The following YWHAB variants were observed in gnomAD, a reference collection of about 807,000 sequenced individuals.
YWHAB encodes tyrosine 3-monooxygenase/tryptophan 5-monooxygenase activation protein beta.
Under a neutral mutation model 28.5 loss-of-function variants are expected in YWHAB, and 2 were observed. The ratio of observed to expected loss-of-function variants is 0.07; its 90% CI spans 0.03 to 0.22. The LOEUF is 0.22. Ranked by LOEUF, YWHAB falls within the 10% of genes least tolerant of loss-of-function variation. The pLI is 1.00. For synonymous variants in YWHAB, 103 were observed against 104.7 expected (o/e 0.98, Z 0.10); for missense variants, 148 against 297.1 (o/e 0.50, Z 3.69).
intron 1 of YWHAB, among the ~76,000 whole-genome samples, chr20:44,898,247 G>A (rs2066606875): frequency 6.6e-6 from 1 of 152,172 alleles, no homozygotes; most frequent in African/African-American, 2.4e-5. Flanking sequence ...GCCTCACTGA[G>A]TGTAAGCTTA....
At chr20:44,905,976 C>T (rs376067295) in intron 4 of YWHAB, 25 bp from the exon 5 acceptor site, 48 of 1,595,424 alleles carry the variant, frequency 3.0e-5, no homozygotes, top group African/African-American at 9.4e-5. Flanking sequence ...CTTGTGAATT[C>T]TTTGCTAAAG....
intron 3 of YWHAB, 102 bp downstream of exon 3, chr20:44,904,218 G>A (rs1006900831): frequency 2.1e-6 from 3 of 1,422,616 alleles, no homozygotes; most frequent in Non-Finnish European, 2.9e-6. Flanking sequence ...AGACACCAAT[G>A]TCACAGTACT....
At chr20:44,901,322 T>C (rs2066625156) in intron 1 of YWHAB, among the ~76,000 whole-genome samples, 1 of 152,242 alleles carries the variant, frequency 6.6e-6, no homozygotes, top group African/African-American at 2.4e-5. Flanking sequence ...GTTGGGAAGA[T>C]TACTGGACCA....
At chr20:44,901,293 A>G (rs1254054262) in intron 1 of YWHAB, among the ~76,000 whole-genome samples, 2 of 152,292 alleles carry the variant, frequency 1.3e-5, no homozygotes, top group Middle Eastern at 3.4e-3. Flanking sequence ...GTTGTTATGA[A>G]CATACCTACT....
At position 44,906,529 on chromosome 20, in the gene YWHAB, AG is replaced by A. The variant is rs1568638027; in HGVS notation, c.*92del. On this transcript the variant is annotated 3_prime_UTR_variant, in exon 6 of 6. Coordinates refer to ENST00000353703, the MANE Select transcript of YWHAB (RefSeq NM_139323.4). ...TAAAAAAAAAAAAAAAAAAAAAAAG[AG>A]AATCGTACGTCGACTTTCGATTTTT... 7.8e-6 allele frequency: 7 copies of A among 900,286 alleles called. No homozygotes were observed. In the African/African-American group the frequency reaches 1.5e-4, roughly 20 times the overall value. 55.8% of individuals were successfully genotyped at this position (900,286 alleles called of 1,614,324 possible). A position where few individuals can be genotyped will look rare whatever the true frequency, so the allele number is the denominator to read the frequency against.
At chr20:44,898,756 T>C (rs1369828110) in intron 1 of YWHAB, among the ~76,000 whole-genome samples, 1 of 152,038 alleles carries the variant, frequency 6.6e-6, no homozygotes, top group Non-Finnish European at 1.5e-5. Context: ...TTCACCTGCC[T>C]CGGCCTCCCA....
At chr20:44,897,873 C>T (rs1411044916) in intron 1 of YWHAB, among the ~76,000 whole-genome samples, 2 of 152,206 alleles carry the variant, frequency 1.3e-5, no homozygotes, top group African/African-American at 4.8e-5. Flanking sequence ...TTTGTTTTCA[C>T]CCTGCGTGTC....
rs183855565 is a variant in YWHAB, at chr20:44,896,315, G to A, written c.-3-5216G>A. Among the ~76,000 whole-genome samples the A allele has an allele frequency of 3.4e-3, 513 of 152,204 alleles. 4 individuals are homozygous for A. Among genetic ancestry groups the A allele is most frequent in the African/African-American group, 0.012 (493 of 41,528 alleles). ...ATAGCCACATGTAGCTATGGCTATG[G>A]CTTAAACAGCTTAAGAAAGGCTTCA... On this transcript the variant is annotated intron_variant, in intron 1 of 5. Coordinates refer to ENST00000353703, the MANE Select transcript of YWHAB (RefSeq NM_139323.4).
At chr20:44,894,012 T>A (rs1189876852) in intron 1 of YWHAB, among the ~76,000 whole-genome samples, 1 of 152,202 alleles carries the variant, frequency 6.6e-6, no homozygotes, top group Non-Finnish European at 1.5e-5. Flanking sequence ...CCTTATTTTT[T>A]AAACCATTCC....
At chr20:44,892,323 T>A (rs942162878) in intron 1 of YWHAB, among the ~76,000 whole-genome samples, 1 of 152,214 alleles carries the variant, frequency 6.6e-6, no homozygotes, top group Non-Finnish European at 1.5e-5. Flanking sequence ...ATAACATCTC[T>A]TTTTAAGTCA....
chr20:44,897,935 C>T (rs770722362), intron 1 of YWHAB, among the ~76,000 whole-genome samples: 5 of 152,146 alleles, frequency 3.3e-5, no homozygotes, highest in African/African-American at 9.7e-5. Context: ...GGGACTCAGG[C>T]TGACAAAAAC....
chr20:44,900,926 C>G (rs2066622604), intron 1 of YWHAB, among the ~76,000 whole-genome samples: 1 of 152,112 alleles, frequency 6.6e-6, no homozygotes, highest in African/African-American at 2.4e-5. Flanking sequence ...CAAATGCCTG[C>G]CACCACGCCT....
At chr20:44,898,092 A>ACTAC (rs1475912656) in intron 1 of YWHAB, among the ~76,000 whole-genome samples, 4 of 152,208 alleles carry the variant, frequency 2.6e-5, no homozygotes, top group African/African-American at 9.7e-5. Flanking sequence ...ATTGGACAGA[A>ACTAC]CTACCATGTG....
chr20:44,901,425 C>T (rs1568932337), intron 1 of YWHAB, 106 bp from the exon 2 acceptor site: 2 of 1,174,924 alleles, frequency 1.7e-6, no homozygotes, highest in Non-Finnish European at 2.4e-6. Flanking sequence ...AGATGTTTCA[C>T]ATTTAGTATG....
chr20:44,906,526 A>G lies in YWHAB; in HGVS notation c.*88A>G, dbSNP rs1035119422. 133 of 613,742 alleles carry G rather than the reference A, an allele frequency of 2.2e-4. No individual in the cohort carries two copies. The highest frequency in any genetic ancestry group is 8.8e-4 in the African/African-American group (26 of 29,548). The allele number at this position is 613,742 out of a possible 1,614,324, so 38.0% of individuals were successfully genotyped here. A position where few individuals can be genotyped will look rare whatever the true frequency, so the allele number is the denominator to read the frequency against. On this transcript the variant is annotated 3_prime_UTR_variant, in exon 6 of 6. Transcript: ENST00000353703. ...CGATAAAAAAAAAAAAAAAAAAAAA[A>G]AGAGAATCGTACGTCGACTTTCGAT...
intron 1 of YWHAB, among the ~76,000 whole-genome samples, chr20:44,892,188 C>T (rs529713138): frequency 9.2e-5 from 14 of 152,192 alleles, no homozygotes; most frequent in Non-Finnish European, 1.9e-4. Context: ...TTCCTTACCC[C>T]ATTGAAACAT....
At chr20:44,901,994 G>C (rs1015793528) in intron 2 of YWHAB, 161 bp downstream of exon 2, 21 of 733,402 alleles carry the variant, frequency 2.9e-5, no homozygotes, top group African/African-American at 2.5e-4. Flanking sequence ...GATATAATTT[G>C]TGTCACCTAT....
At chr20:44,888,173 A>G (rs2066539063) in intron 1 of YWHAB, among the ~76,000 whole-genome samples, 1 of 152,246 alleles carries the variant, frequency 6.6e-6, no homozygotes, top group Non-Finnish European at 1.5e-5. Context: ...CATCTGCATG[A>G]ATATACACGT....
rs542869617 is a variant in YWHAB at position 44,907,420 on chromosome 20, C to G, written c.*982C>G. On this transcript the variant is annotated 3_prime_UTR_variant, in exon 6 of 6. Coordinates refer to ENST00000353703, the MANE Select transcript of YWHAB (RefSeq NM_139323.4). ...GTTGCACCTGTGAATAACTGCACTC[C>G]AGCCTGGGCAACATAGCGAGACCTC... The G allele has an allele frequency of 2.6e-5, 4 of 152,116 alleles. No individual in the cohort carries two copies. Among genetic ancestry groups the G allele is most frequent in the Non-Finnish European group, 4.4e-5 (3 of 68,052 alleles). The allele number at this position is 152,116 out of a possible 1,614,324, so 9.4% of individuals were successfully genotyped here.
Sources: gnomAD v4.1 joint callset for allele counts (sites outside exome capture counted in the v4.1 genomes callset) on GRCh38, gnomAD v4.1.1 for gene constraint, MANE v1.5 for transcripts, NCBI Gene and HGNC (gene_info 2026-07-23, HGNC 2026-07-21) for gene names.